Variants in ADGRB3 observed in about 807,000 individuals in gnomAD.
ADGRB3 encodes the protein adhesion G protein-coupled receptor B3, also known as brain-specific angiogenesis inhibitor 3.
In ADGRB3, 37 loss-of-function variants were observed where a neutral mutation model predicts 193.4. The ratio of observed to expected loss-of-function variants is 0.19; its 90% CI spans 0.15 to 0.25. The LOEUF (loss-of-function observed/expected upper bound fraction) is 0.25, where lower values mean the gene tolerates loss of function less well. Among genes scored for constraint, ADGRB3 ranks in the 10% least tolerant of loss-of-function variants. ADGRB3 has a pLI of 1.00. For synonymous variants in ADGRB3, 690 were observed against 644.2 expected, an observed-to-expected ratio of 1.07 and a Z score of -1.08; for missense variants, 1,637 against 1,852.9, an observed-to-expected ratio of 0.88 and a Z score of 2.14.
intron 20 of ADGRB3, among the ~76,000 whole-genome samples, chr6:69,243,431 C>T (rs1766424987): frequency 6.6e-6 from 1 of 151,868 alleles, no homozygotes; most frequent in Non-Finnish European, 1.5e-5. Context: ...TAGTCAGTGT[C>T]ATTCAGTCAG....
At chr6:69,131,788 C>G (rs1185951417) in intron 17 of ADGRB3, among the ~76,000 whole-genome samples, 1 of 151,698 alleles carries the variant, frequency 6.6e-6, no homozygotes, top group Non-Finnish European at 1.5e-5. Context: ...CCCCCCACCC[C>G]CTGACAGGCC....
In ADGRB3 at chr6:69,087,436, G is replaced by A. The variant is rs1772582316; in HGVS notation, c.2480+11398G>A. Among the ~76,000 whole-genome samples, 3 of 152,122 alleles carry A rather than the reference G, an allele frequency of 2.0e-5. No homozygotes were observed. In the South Asian group the frequency reaches 6.2e-4, roughly 31 times the overall value. On this transcript the variant is annotated intron_variant, in intron 17 of 31. Coordinates refer to ENST00000370598, the MANE Select transcript of ADGRB3 (RefSeq NM_001704.3). The stretch of plus-strand genomic sequence containing the variant: ...TAATCCCCAATGCAGTGTTATGAGG[G>A]AGGGGGACATCTAAGAGGTGATGAG...
At chr6:69,094,236 C>T (rs1195256622) in intron 17 of ADGRB3, among the ~76,000 whole-genome samples, 2 of 152,144 alleles carry the variant, frequency 1.3e-5, no homozygotes, top group African/African-American at 4.8e-5. Flanking sequence ...TGTACAACAC[C>T]TTCTCCATGC....
chr6:69,041,623 A>ATTT (rs10638407), intron 13 of ADGRB3, among the ~76,000 whole-genome samples: 10 of 150,940 alleles, frequency 6.6e-5, no homozygotes, highest in Admixed American at 1.3e-4. Context: ...GCTCGTAGGA[A>ATTT]TTTTTTTTTT....
intron 3 of ADGRB3, among the ~76,000 whole-genome samples, chr6:68,735,914 A>G (rs1765862101): frequency 6.6e-6 from 1 of 152,172 alleles, no homozygotes. Context: ...GTGCTACAAA[A>G]TATTTTATTA....
At chr6:68,755,094 G>C (rs1229132573) in intron 3 of ADGRB3, among the ~76,000 whole-genome samples, 2 of 152,146 alleles carry the variant, frequency 1.3e-5, no homozygotes, top group Non-Finnish European at 2.9e-5. Context: ...CAAACTAATG[G>C]AAGCAGAAGC....
chr6:68,753,156 C>T (rs1582173432), intron 3 of ADGRB3, among the ~76,000 whole-genome samples: 1 of 152,132 alleles, frequency 6.6e-6, no homozygotes, highest in South Asian at 2.1e-4. Context: ...ATACACTATC[C>T]ATGATTTTCA....
At chr6:69,355,947 T>C (rs1028817745) in intron 28 of ADGRB3, 87 bp downstream of exon 28, 1 of 1,149,820 alleles carries the variant, frequency 8.7e-7, no homozygotes, top group Non-Finnish European at 1.3e-6. Context: ...TGCTGTGGTT[T>C]ACACATTACA....
chr6:68,771,568 C>T (rs1470791979), intron 3 of ADGRB3, among the ~76,000 whole-genome samples: 1 of 152,064 alleles, frequency 6.6e-6, no homozygotes, highest in African/African-American at 2.4e-5. Flanking sequence ...GTCATACACA[C>T]ATTGTTCTAA....
At chr6:68,869,142 T>G (rs899526227) in intron 3 of ADGRB3, among the ~76,000 whole-genome samples, 2 of 152,202 alleles carry the variant, frequency 1.3e-5, no homozygotes, top group East Asian at 3.8e-4. Flanking sequence ...AATTACAAGA[T>G]GCTTGCATTT....
In ADGRB3 at chr6:69,172,556, A is replaced by C. The variant is rs1205573135; in HGVS notation, c.2481-60734A>C. ...CTGCTCGGGAGGCTGAGGCAGAAGA[A>C]TGGCGTGAACCTGGGAGGCGGAGCT... On this transcript the variant is annotated intron_variant, in intron 17 of 31. Transcript: ENST00000370598. Among the ~76,000 whole-genome samples, 3 of 140,854 alleles carry C rather than the reference A, an allele frequency of 2.1e-5. No homozygotes were observed. The East Asian group carries it at 7.4e-4, about 35-fold the overall frequency. 92.4% of individuals were successfully genotyped at this position (140,854 alleles called of 152,430 possible).
intron 17 of ADGRB3, among the ~76,000 whole-genome samples, chr6:69,126,743 C>T (rs1359752072): frequency 6.6e-6 from 1 of 152,082 alleles, no homozygotes; most frequent in Admixed American, 6.5e-5. Flanking sequence ...TCTGAGTATC[C>T]CTTAATCTAG....
At chr6:69,145,347 C>T (rs972137049) in intron 17 of ADGRB3, among the ~76,000 whole-genome samples, 2 of 152,206 alleles carry the variant, frequency 1.3e-5, no homozygotes, top group South Asian at 4.1e-4. Flanking sequence ...TGTCCCACAA[C>T]AGCTTCCACA....
chr6:68,637,747 AG>A lies in ADGRB3; in HGVS notation c.-16+186del, dbSNP rs1767990365. ...TGTAAGCCTTAAATTACAGTTGATA[AG>A]ATAATTTTTCAAAAATTAAAAGACT... is the stretch of plus-strand genomic sequence containing the variant. On this transcript the variant is annotated intron_variant, in intron 2 of 31. Coordinates refer to ENST00000370598, the MANE Select transcript of ADGRB3 (RefSeq NM_001704.3). Among the ~76,000 whole-genome samples the A allele has an allele frequency of 2.0e-5, 3 of 152,270 alleles. No individual in the cohort carries two copies. The South Asian group carries it at 6.2e-4, about 32-fold the overall frequency.
At chr6:69,311,936 TG>T (rs1368951696) in intron 20 of ADGRB3, among the ~76,000 whole-genome samples, 4 of 151,856 alleles carry the variant, frequency 2.6e-5, no homozygotes, top group Admixed American at 2.0e-4. Context: ...TTTAAGATAC[TG>T]ATAACTACTG....
intron 17 of ADGRB3, among the ~76,000 whole-genome samples, chr6:69,102,713 A>G (rs1465312923): frequency 6.6e-6 from 1 of 152,218 alleles, no homozygotes; most frequent in African/African-American, 2.4e-5. Flanking sequence ...GTTGGTAGAA[A>G]AGAGTCTACC....
intron 3 of ADGRB3, among the ~76,000 whole-genome samples, chr6:68,733,330 C>T (rs1030169602): frequency 4.7e-5 from 7 of 150,110 alleles, no homozygotes; most frequent in African/African-American, 7.3e-5. Context: ...AGAATGACAT[C>T]GTGTCCTTTG....
In ADGRB3 at chr6:69,381,582, T is replaced by C. The variant is rs77537990; in HGVS notation, c.4276-1249T>C. ...CATAGGAGAGAACAGACTTTTTTAA[T>C]GTGTTAAAGATTCAGTTGTTTTTGT... On this transcript the variant is annotated intron_variant, in intron 30 of 31. Transcript: ENST00000370598. Among the ~76,000 whole-genome samples the C allele has an allele frequency of 4.8e-4, 73 of 152,110 alleles. No individual in the cohort carries two copies. In the East Asian group the frequency reaches 0.012, roughly 25 times the overall value.
intron 13 of ADGRB3, among the ~76,000 whole-genome samples, chr6:69,023,691 T>C (rs1280400232): frequency 1.3e-5 from 2 of 152,072 alleles, no homozygotes; most frequent in Admixed American, 6.5e-5. Context: ...ATATGTAAGA[T>C]GAGAAAATAG....
Sources: gnomAD v4.1 joint callset for allele counts (sites outside exome capture counted in the v4.1 genomes callset) on GRCh38, gnomAD v4.1.1 for gene constraint, MANE v1.5 for transcripts, NCBI Gene and HGNC (gene_info 2026-07-23, HGNC 2026-07-21) for gene names.